Variants in CSMD1 observed in about 807,000 individuals in gnomAD.
The protein encoded by CSMD1 is CUB and Sushi multiple domains 1, also known as CUB and sushi domain-containing protein 1.
In CSMD1, 213 loss-of-function variants were observed where a neutral mutation model predicts 417.5. The observed-to-expected ratio is 0.51, with a 90% CI of 0.46 to 0.57. CSMD1 has a LOEUF of 0.57. Among genes scored for constraint, CSMD1 ranks in the 20% least tolerant of loss-of-function variants. The pLI, the probability that CSMD1 is intolerant of heterozygous loss-of-function variation, is 0.00. For missense variants in CSMD1, 6,923 were observed against 4,529.7 expected, an observed-to-expected ratio of 1.53 and a Z score of -15.17; for synonymous variants, 2,862 against 1,736.8, an observed-to-expected ratio of 1.65 and a Z score of -16.11.
chr8:3,106,680 G>C (rs1816170931), intron 45 of CSMD1, 39 bp from the exon 46 acceptor site: 7 of 1,289,160 alleles, frequency 5.4e-6, no homozygotes, highest in Non-Finnish European at 7.8e-6. Context: ...AATTGTGTGT[G>C]ACCTTCTGAG....
intron 65 of CSMD1, among the ~76,000 whole-genome samples, chr8:2,953,544 A>G (rs1172791821): frequency 1.4e-4 from 22 of 152,124 alleles, no homozygotes; most frequent in Non-Finnish European, 1.2e-4. Flanking sequence ...GTTTCTGATA[A>G]AACAACAACA....
chr8:3,596,087 T>C (rs140472731), intron 8 of CSMD1, among the ~76,000 whole-genome samples: 1 of 152,312 alleles, frequency 6.6e-6, no homozygotes, highest in Non-Finnish European at 1.5e-5. Flanking sequence ...CTTCGAACTC[T>C]AGACCAAAAG....
At chr8:3,299,743 A>T (rs775559937) in intron 25 of CSMD1, among the ~76,000 whole-genome samples, 1 of 152,224 alleles carries the variant, frequency 6.6e-6, no homozygotes, top group Non-Finnish European at 1.5e-5. Context: ...ATGTATTCAC[A>T]TGTCAAAAAA....
At position 3,774,216 on chromosome 8, in the gene CSMD1, C is replaced by T. The variant is rs528941109; in HGVS notation, c.819-20174G>A. Among the ~76,000 whole-genome samples the T allele has an allele frequency of 4.6e-5, 7 of 152,268 alleles. No homozygotes were observed. The East Asian group carries it at 5.8e-4, about 13-fold the overall frequency. ...CTTCAACCTTATAATTTTCTCTTAT[C>T]CAACAACTTTTGGCTCAAATGCCAC... is the stretch of plus-strand genomic sequence containing the variant. On this transcript the variant is annotated intron_variant, in intron 5 of 69. Transcript: ENST00000635120.
intron 39 of CSMD1, among the ~76,000 whole-genome samples, chr8:3,157,628 C>T (rs1379684033): frequency 1.3e-5 from 2 of 152,178 alleles, no homozygotes; most frequent in African/African-American, 2.4e-5. Flanking sequence ...ACACACATGT[C>T]GTTTTGGTGC....
intron 25 of CSMD1, among the ~76,000 whole-genome samples, chr8:3,288,219 G>C (rs530142273): frequency 2.2e-4 from 33 of 147,246 alleles, no homozygotes; most frequent in Middle Eastern, 3.4e-3. Flanking sequence ...ATTTTATTGA[G>C]GATTTTTGCA....
At chr8:4,284,893 C>T (rs543750175) in intron 3 of CSMD1, among the ~76,000 whole-genome samples, 48 of 152,166 alleles carry the variant, frequency 3.2e-4, no homozygotes, top group Non-Finnish European at 5.6e-4. Flanking sequence ...TTTTCTGTCT[C>T]CTCCTTTCCT....
intron 1 of CSMD1, among the ~76,000 whole-genome samples, chr8:4,661,391 A>G (rs1241320425): frequency 1.3e-5 from 2 of 152,214 alleles, no homozygotes; most frequent in African/African-American, 4.8e-5. Flanking sequence ...CAATCCTCAA[A>G]CGTTGTATGC....
At chr8:3,355,876 C>A (rs572045712) in intron 21 of CSMD1, among the ~76,000 whole-genome samples, 11 of 152,158 alleles carry the variant, frequency 7.2e-5, no homozygotes, top group African/African-American at 2.7e-4. Context: ...AATGCACATG[C>A]CAACAGGTGC....
intron 10 of CSMD1, among the ~76,000 whole-genome samples, chr8:3,508,049 T>G (rs962393840): frequency 1.1e-4 from 17 of 152,220 alleles, no homozygotes; most frequent in Non-Finnish European, 1.6e-4. Flanking sequence ...TTGTTGCCAT[T>G]GCTTTTGGTG....
intron 5 of CSMD1, among the ~76,000 whole-genome samples, chr8:3,941,765 C>G (rs905616304): frequency 3.3e-5 from 5 of 152,142 alleles, no homozygotes; most frequent in African/African-American, 1.2e-4. Context: ...CATGGACACA[C>G]ACAATTCTTT....
At chr8:3,950,188 G>T (rs1037873495) in intron 5 of CSMD1, among the ~76,000 whole-genome samples, 21 of 152,116 alleles carry the variant, frequency 1.4e-4, no homozygotes, top group African/African-American at 5.1e-4. Context: ...GACCCTAGAG[G>T]CCACGATCCA....
chr8:3,762,385 G>A (rs1798055880), intron 5 of CSMD1, among the ~76,000 whole-genome samples: 1 of 152,176 alleles, frequency 6.6e-6, no homozygotes, highest in South Asian at 2.1e-4. Context: ...TCTAAGATCA[G>A]GCAGCTCCTC....
chr8:4,030,312 T>C (rs1406777254), intron 4 of CSMD1, among the ~76,000 whole-genome samples: 1 of 152,220 alleles, frequency 6.6e-6, no homozygotes, highest in Non-Finnish European at 1.5e-5. Context: ...AGCAAACTTC[T>C]ATCTGGACAT....
chr8:4,101,138 A>T (rs1585314770), intron 3 of CSMD1, among the ~76,000 whole-genome samples: 1 of 152,230 alleles, frequency 6.6e-6, no homozygotes, highest in African/African-American at 2.4e-5. Flanking sequence ...CCTCAGCAGG[A>T]CACTTAAGAA....
intron 11 of CSMD1, among the ~76,000 whole-genome samples, chr8:3,479,773 C>A (rs112189573): frequency 8.6e-5 from 13 of 151,198 alleles, no homozygotes; most frequent in African/African-American, 2.9e-4. Context: ...AATCAACCAA[C>A]CCCAACAGAA....
At chr8:4,248,316 T>A (rs1802834005) in intron 3 of CSMD1, among the ~76,000 whole-genome samples, 1 of 152,134 alleles carries the variant, frequency 6.6e-6, no homozygotes, top group Non-Finnish European at 1.5e-5. Context: ...TACTAATCAA[T>A]CAATGCATGA....
At chr8:4,839,922 A>T (rs139218228) in intron 1 of CSMD1, among the ~76,000 whole-genome samples, 171 of 152,344 alleles carry the variant, frequency 1.1e-3, no homozygotes, top group African/African-American at 3.9e-3. Context: ...TCTCCTCAAT[A>T]CAACTCTACA....
intron 21 of CSMD1, among the ~76,000 whole-genome samples, chr8:3,358,526 G>A (rs752704186): frequency 6.6e-6 from 1 of 152,170 alleles, no homozygotes; most frequent in Non-Finnish European, 1.5e-5. Context: ...TCACCCCACT[G>A]GATCAGCAAG....
Sources: allele counts gnomAD v4.1 joint callset (sites outside exome capture counted in the v4.1 genomes callset), GRCh38; gene constraint gnomAD v4.1.1; transcripts MANE v1.5; gene names NCBI Gene and HGNC (gene_info 2026-07-23, HGNC 2026-07-21).